MARCHF1: variants seen among roughly 807,000 people sequenced by gnomAD.
MARCHF1 encodes E3 ubiquitin-protein ligase MARCHF1.
In MARCHF1, 40 loss-of-function variants were observed where a neutral mutation model predicts 54.2. That is an observed-to-expected ratio of 0.74 (90% confidence interval 0.57 to 0.96). The LOEUF is 0.96. Among genes scored for constraint, MARCHF1 ranks in the 40% least tolerant of loss-of-function variants. The probability of loss-of-function intolerance (pLI) is 0.00; values close to 1 mark genes in which losing one functional copy is unlikely to be tolerated. For synonymous variants in MARCHF1, 236 were observed against 236.3 expected, an observed-to-expected ratio of 1.00 and a Z score of 0.01; for missense variants, 586 against 656.5, an observed-to-expected ratio of 0.89 and a Z score of 1.17.
chr4:163,831,619 T>C (rs1749027842), intron 4 of MARCHF1, among the ~76,000 whole-genome samples: 1 of 151,826 alleles, frequency 6.6e-6, no homozygotes, highest in Non-Finnish European at 1.5e-5. Flanking sequence ...AAAATAAAAA[T>C]AAAGTCCAAA....
chr4:163,625,259 A>C (rs1031756896), intron 5 of MARCHF1, among the ~76,000 whole-genome samples: 3 of 152,094 alleles, frequency 2.0e-5, no homozygotes, highest in African/African-American at 7.2e-5. Flanking sequence ...GCCCTTTTCA[A>C]CTTCTACTAT....
chr4:164,132,500 C>A (rs1243941952), intron 1 of MARCHF1, among the ~76,000 whole-genome samples: 1 of 152,078 alleles, frequency 6.6e-6, no homozygotes, highest in Non-Finnish European at 1.5e-5. Context: ...TAAAAATTTA[C>A]CACCTTGACC....
intron 5 of MARCHF1, among the ~76,000 whole-genome samples, chr4:163,642,509 T>C (rs1742590570): frequency 6.6e-6 from 1 of 152,330 alleles, no homozygotes; most frequent in African/African-American, 2.4e-5. Context: ...TTATAAATCA[T>C]TGACTTGCAT....
intron 9 of MARCHF1, 97 bp from the exon 10 acceptor site, chr4:163,529,143 T>G (rs1738255198): frequency 1.2e-6 from 1 of 808,780 alleles, no homozygotes; most frequent in Non-Finnish European, 2.0e-6. Flanking sequence ...CGTGCTTGCC[T>G]TCTAGATTAT....
In MARCHF1 at chr4:163,527,538, A is replaced by ACCAG. The variant is rs1738160457; in HGVS notation, c.*1209_*1210insCTGG. On this transcript the variant is annotated 3_prime_UTR_variant, in exon 10 of 10. Coordinates refer to ENST00000514618, the MANE Select transcript of MARCHF1 (RefSeq NM_001394959.1). ...GGCAGATTGATTGTTTTATCTTTCT[A>ACCAG]TACTTTTGGATTTTTACCCTTTAGA... 6.6e-6 allele frequency: 1 copy of ACCAG among 152,046 alleles called. No individual in the cohort carries two copies. Among genetic ancestry groups the ACCAG allele is most frequent in the Non-Finnish European group, 1.5e-5 (1 of 67,966 alleles). 9.4% of individuals were successfully genotyped at this position (152,046 alleles called of 1,614,324 possible). A position where few individuals can be genotyped will look rare whatever the true frequency, so the allele number is the denominator to read the frequency against.
At chr4:163,828,380 C>T (rs533481638) in intron 4 of MARCHF1, among the ~76,000 whole-genome samples, 1 of 151,952 alleles carries the variant, frequency 6.6e-6, no homozygotes, top group Non-Finnish European at 1.5e-5. Context: ...TGGATGAAAC[C>T]TAATGCTTCA....
At chr4:163,737,274 G>T (rs1746073205) in intron 4 of MARCHF1, among the ~76,000 whole-genome samples, 2 of 73,234 alleles carry the variant, frequency 2.7e-5, no homozygotes, top group African/African-American at 8.2e-5. Context: ...GTGCAGGTTA[G>T]TTACATATGT....
At chr4:163,832,638 T>G (rs1325662006) in intron 4 of MARCHF1, among the ~76,000 whole-genome samples, 1 of 151,254 alleles carries the variant, frequency 6.6e-6, no homozygotes, top group Non-Finnish European at 1.5e-5. Context: ...GTGCACAACG[T>G]GCAGGTTAGT....
At chr4:163,629,112 C>G (rs1741977407) in intron 5 of MARCHF1, among the ~76,000 whole-genome samples, 1 of 152,028 alleles carries the variant, frequency 6.6e-6, no homozygotes, top group African/African-American at 2.4e-5. Context: ...CAATCCTAAG[C>G]AAAAGAACAA....
chr4:163,705,681 T>C (rs1231631573), intron 4 of MARCHF1, among the ~76,000 whole-genome samples: 5 of 151,966 alleles, frequency 3.3e-5, no homozygotes, highest in Admixed American at 3.3e-4. Flanking sequence ...AAACCCCTTA[T>C]AGTAATAAAG....
chr4:164,233,131 T>C (rs563155992), intron 1 of MARCHF1, among the ~76,000 whole-genome samples: 2 of 152,300 alleles, frequency 1.3e-5, no homozygotes, highest in Admixed American at 6.5e-5. Flanking sequence ...TGGTAATTAA[T>C]AGTACCCCTA....
intron 2 of MARCHF1, among the ~76,000 whole-genome samples, chr4:164,083,031 T>C (rs1317408564): frequency 6.6e-6 from 1 of 152,194 alleles, no homozygotes; most frequent in Non-Finnish European, 1.5e-5. Flanking sequence ...TGCTACAAAA[T>C]AAATATAAAT....
intron 2 of MARCHF1, among the ~76,000 whole-genome samples, chr4:164,058,485 C>T (rs1754543542): frequency 6.6e-6 from 1 of 152,208 alleles, no homozygotes; most frequent in South Asian, 2.1e-4. Context: ...CAGAAGGCGA[C>T]CTCAGTTGCA....
chr4:163,845,666 T>G (rs1484103085), intron 4 of MARCHF1, among the ~76,000 whole-genome samples: 1 of 152,168 alleles, frequency 6.6e-6, no homozygotes, highest in East Asian at 1.9e-4. Context: ...CATTTATATC[T>G]AAGTTAAGCA....
rs114570992 is a variant in MARCHF1, at chr4:163,759,360, A to G, written c.112-58497T>C. Among the ~76,000 whole-genome samples, 838 of 152,298 alleles carry G rather than the reference A, an allele frequency of 5.5e-3. 3 individuals are homozygous for G. Among genetic ancestry groups the G allele is most frequent in the Non-Finnish European group, 9.1e-3 (619 of 68,020 alleles). On this transcript the variant is annotated intron_variant, in intron 4 of 9. Transcript: ENST00000514618. ...GTACATGATAATGTGCCTTAGATAT[A>G]TTCAATACTGGTTTATAAGCTTTTT...
intron 1 of MARCHF1, among the ~76,000 whole-genome samples, chr4:164,273,776 T>C (rs968954633): frequency 2.0e-5 from 3 of 152,184 alleles, no homozygotes; most frequent in African/African-American, 4.8e-5. Flanking sequence ...ACAAATTTAA[T>C]GAAACTCCAT....
intron 2 of MARCHF1, among the ~76,000 whole-genome samples, chr4:164,012,896 A>G (rs1202506885): frequency 6.6e-6 from 1 of 152,148 alleles, no homozygotes; most frequent in Non-Finnish European, 1.5e-5. Flanking sequence ...CTCCCCTTGG[A>G]ATTTGTAAAA....
intron 2 of MARCHF1, among the ~76,000 whole-genome samples, chr4:164,102,129 T>G (rs955274457): frequency 9.3e-6 from 1 of 107,572 alleles, no homozygotes; most frequent in Non-Finnish European, 2.0e-5. Context: ...AGACCAAATC[T>G]ACGTCTGATT....
chr4:164,166,967 T>TA lies in MARCHF1; in HGVS notation c.-322-55306dup, dbSNP rs1191788324. Among the ~76,000 whole-genome samples, 372 of 151,482 alleles carry TA rather than the reference T, an allele frequency of 2.5e-3. 1 individual carries two copies. The highest frequency in any genetic ancestry group is 8.3e-3 in the African/African-American group (344 of 41,492). ...ATAAATCTTTATATTTATAAATTTT[T>TA]AAATTTTATAAATCTTTAAATTTAT... On this transcript the variant is annotated intron_variant, in intron 1 of 9. Coordinates refer to ENST00000514618, the MANE Select transcript of MARCHF1 (RefSeq NM_001394959.1).
Sources: allele counts gnomAD v4.1 joint callset (sites outside exome capture counted in the v4.1 genomes callset), GRCh38; gene constraint gnomAD v4.1.1; transcripts MANE v1.5; gene names NCBI Gene and HGNC (gene_info 2026-07-23, HGNC 2026-07-21).